EHBP1L1: variants seen among roughly 807,000 people sequenced by gnomAD.
EHBP1L1 encodes EH domain-binding protein 1-like protein 1.
EHBP1L1 carries 122 observed loss-of-function variants against 151.1 expected under a neutral mutation model. That is an observed-to-expected ratio of 0.81 (90% CI 0.70 to 0.94). The LOEUF is 0.94. EHBP1L1 is among the 40% of genes least tolerant of loss of function. The probability of loss-of-function intolerance (pLI) is 0.00; values close to 1 mark genes in which losing one functional copy is unlikely to be tolerated. For missense variants in EHBP1L1, 1,941 were observed against 1,959.8 expected (o/e 0.99, Z 0.18); for synonymous variants, 878 against 810.1 (o/e 1.08, Z -1.42).
chr11:65,590,020 T>C (rs376839878), intron 14 of EHBP1L1, 29 bp downstream of exon 14: 1 of 1,608,326 alleles, frequency 6.2e-7, no homozygotes, highest in East Asian at 2.2e-5. Context: ...GAGGAGCTGA[T>C]GGGTGAGCAC....
Position 65,590,686 on chromosome 11 carries a change from T to C in EHBP1L1, c.4283+94T>C, listed in dbSNP as rs1858225757. The C allele has an allele frequency of 1.5e-5, 16 of 1,088,378 alleles. No homozygotes were observed. The South Asian group carries it at 2.2e-4, about 15-fold the overall frequency. The allele number at this position is 1,088,378 out of a possible 1,614,324, so 67.4% of individuals were successfully genotyped here. A position where few individuals can be genotyped will look rare whatever the true frequency, so the allele number is the denominator to read the frequency against. On this transcript the variant is annotated intron_variant, in intron 16 of 18. Coordinates refer to ENST00000309295, the MANE Select transcript of EHBP1L1 (RefSeq NM_001099409.3). ...TTTCTTATTCCTACAGAGATCTTTT[T>C]GACAAACGATTCCTCTTCCATCTTA... is the stretch of plus-strand genomic sequence containing the variant.
At chr11:65,584,180 C>A in intron 9 of EHBP1L1, 61 bp from the exon 10 acceptor site, 1 of 1,566,570 alleles carries the variant, frequency 6.4e-7, no homozygotes, top group Non-Finnish European at 8.6e-7. Context: ...TGAGCTTCCC[C>A]AAGAGGCAGA....
Position 65,576,219 on chromosome 11 carries a change from G to A in EHBP1L1, c.-84G>A. On this transcript the variant is annotated 5_prime_UTR_variant, in exon 1 of 19. Coordinates refer to ENST00000309295, the MANE Select transcript of EHBP1L1 (RefSeq NM_001099409.3). Reference sequence around the variant, plus strand: ...CGGACGGGGCGGGCGGCGCGGACAGGCCATGGGGACCCGGGCCGGGCCAGC... The same window carrying A: ...CGGACGGGGCGGGCGGCGCGGACAGACCATGGGGACCCGGGCCGGGCCAGC... 1.5e-6 allele frequency: 2 copies of A among 1,303,450 alleles called. No homozygotes were observed. Among genetic ancestry groups the A allele is most frequent in the Non-Finnish European group, 2.0e-6 (2 of 983,470 alleles). 80.7% of individuals were successfully genotyped at this position (1,303,450 alleles called of 1,614,324 possible).
chr11:65,581,150 G>A, intron 7 of EHBP1L1, 24 bp downstream of exon 7: 2 of 1,612,442 alleles, frequency 1.2e-6, no homozygotes, highest in Non-Finnish European at 1.7e-6. Context: ...TGGGGTTGGG[G>A]GTGGAGACTG....
chr11:65,577,327 G>C lies in EHBP1L1; in HGVS notation c.104+921G>C, dbSNP rs544540169. Among the ~76,000 whole-genome samples the C allele has an allele frequency of 4.6e-5, 7 of 152,346 alleles. No individual in the cohort carries two copies. In the East Asian group the frequency reaches 1.2e-3, roughly 25 times the overall value. ...CCAGGGGGAGGGGAGTAAGCAGGAGGCTGGGGTCCCTTGGGCAGCTGCCAT... is the reference window on the plus strand; with the variant it reads ...CCAGGGGGAGGGGAGTAAGCAGGAGCCTGGGGTCCCTTGGGCAGCTGCCAT... On this transcript the variant is annotated intron_variant, in intron 1 of 18. Transcript: ENST00000309295.
At chr11:65,591,626 A>G (rs1438064112) in intron 16 of EHBP1L1, 174 bp from the exon 17 acceptor site, 1 of 646,836 alleles carries the variant, frequency 1.5e-6, no homozygotes, top group South Asian at 1.7e-5. Flanking sequence ...AACAGAAGAA[A>G]AGCGATAATG....
intron 9 of EHBP1L1, 75 bp from the exon 10 acceptor site, chr11:65,584,166 G>A: frequency 1.9e-6 from 3 of 1,556,868 alleles, no homozygotes; most frequent in South Asian, 2.4e-5. Context: ...TTGTGTGCCA[G>A]GCATGAGCTT....
In EHBP1L1 at chr11:65,583,755, CG is replaced by C; in HGVS notation, c.3086del (p.Gly1029AlafsTer61). The C allele has an allele frequency of 1.3e-6, 2 of 1,490,176 alleles. No individual in the cohort carries two copies. Among genetic ancestry groups the C allele is most frequent in the Non-Finnish European group, 1.8e-6 (2 of 1,122,978 alleles). 92.3% of individuals were successfully genotyped at this position (1,490,176 alleles called of 1,614,324 possible). A position where few individuals can be genotyped will look rare whatever the true frequency, so the allele number is the denominator to read the frequency against. ...PEKAEEDRRL[P>X]GSQAPPALVS... is the part of the protein sequence containing the mutation. ...AAGGCTGAAGAGGACAGGAGGCTGC[CG>C]GGCAGCCAGGTAGGGATGGGGGCCG... On this transcript the variant is annotated frameshift_variant, in exon 9 of 19. Coordinates refer to ENST00000309295, the MANE Select transcript of EHBP1L1 (RefSeq NM_001099409.3). LOFTEE classifies it high-confidence loss of function.
intron 12 of EHBP1L1, among the ~76,000 whole-genome samples, chr11:65,589,142 C>T (rs1465232235): frequency 6.6e-6 from 1 of 152,224 alleles, no homozygotes; most frequent in South Asian, 2.1e-4. Flanking sequence ...TGGTGGCTCA[C>T]ACCTGTAATC....
intron 6 of EHBP1L1, 134 bp from the exon 7 acceptor site, chr11:65,580,924 G>C: frequency 1.4e-6 from 2 of 1,437,072 alleles, no homozygotes; most frequent in Non-Finnish European, 1.8e-6. Context: ...GTCTCTTCTC[G>C]CAGGCCGGGG....
rs746640194 is a variant in EHBP1L1 at position 65,582,531 on chromosome 11, CAG to C, written c.1862_1863del (p.Glu621GlyfsTer8). 1.5e-5 allele frequency: 25 copies of C among 1,613,354 alleles called. No homozygotes were observed. Among genetic ancestry groups the C allele is most frequent in the Non-Finnish European group, 2.1e-5 (25 of 1,179,824 alleles). ...GCAGCAAGATCAAGGGTCCTGGAGT[CAG>C]AGGTTGCTGGGACAGCACAGTGTGA... On this transcript the variant is annotated frameshift_variant, in exon 9 of 19. Coordinates refer to ENST00000309295, the MANE Select transcript of EHBP1L1 (RefSeq NM_001099409.3). LOFTEE classifies it high-confidence loss of function.
chr11:65,592,130 G>C, intron 18 of EHBP1L1, 40 bp downstream of exon 18: 3 of 1,610,954 alleles, frequency 1.9e-6, no homozygotes, highest in African/African-American at 1.3e-5. Context: ...GGGAGGGTCC[G>C]GGACTTGCTC....
At position 65,592,312 on chromosome 11, in the gene EHBP1L1, C is replaced by T. The variant is rs1490118666; in HGVS notation, c.*10C>T. ...CTGCGTGCTGAGCTGAGGCCGCCGG[C>T]CCGGGTGGCCCATAACTTCTCGCGT... is the stretch of plus-strand genomic sequence containing the variant. On this transcript the variant is annotated 3_prime_UTR_variant, in exon 19 of 19. Transcript: ENST00000309295. 3.4e-6 allele frequency: 5 copies of T among 1,462,186 alleles called. No individual in the cohort carries two copies. The highest frequency in any genetic ancestry group is 2.7e-5 in the East Asian group (1 of 36,806). The allele number at this position is 1,462,186 out of a possible 1,614,324, so 90.6% of individuals were successfully genotyped here. A position where few individuals can be genotyped will look rare whatever the true frequency, so the allele number is the denominator to read the frequency against.
chr11:65,580,617 C>T lies in EHBP1L1; in HGVS notation c.634+138C>T, dbSNP rs1018723690. ...AGGCAGTCCCAACCAACCCAGCAGC[C>T]TCAATTGTCCCAACCTGGCTGCTGG... On this transcript the variant is annotated intron_variant, in intron 6 of 18. Coordinates refer to ENST00000309295, the MANE Select transcript of EHBP1L1 (RefSeq NM_001099409.3). The T allele has an allele frequency of 4.3e-6, 5 of 1,151,628 alleles. No homozygotes were observed. The Admixed American group carries it at 1.1e-4, about 25-fold the overall frequency. 71.3% of individuals were successfully genotyped at this position (1,151,628 alleles called of 1,614,324 possible).
At chr11:65,584,910 G>A in intron 11 of EHBP1L1, 49 bp from the exon 12 acceptor site, 1 of 1,525,352 alleles carries the variant, frequency 6.6e-7, no homozygotes, top group Non-Finnish European at 8.7e-7. Context: ...GCGTTGCCGG[G>A]TGGCGCGGGC....
chr11:65,583,784 G>T lies in EHBP1L1; in HGVS notation c.3093+19G>T. Reference sequence around the variant, plus strand: ...CAGCCAGGTAGGGATGGGGGCCGCCGAGGGCCCAGTCTGCTGCTTCCCACT... The same window carrying T: ...CAGCCAGGTAGGGATGGGGGCCGCCTAGGGCCCAGTCTGCTGCTTCCCACT... On this transcript the variant is annotated intron_variant, in intron 9 of 18. Transcript: ENST00000309295. The T allele has an allele frequency of 6.8e-7, 1 of 1,460,134 alleles. No homozygotes were observed. The highest frequency in any genetic ancestry group is 9.0e-7 in the Non-Finnish European group (1 of 1,111,108). 90.4% of individuals were successfully genotyped at this position (1,460,134 alleles called of 1,614,324 possible).
At chr11:65,587,225 T>C (rs533419478) in intron 12 of EHBP1L1, among the ~76,000 whole-genome samples, 1 of 152,212 alleles carries the variant, frequency 6.6e-6, no homozygotes, top group South Asian at 2.1e-4. Context: ...TACAAAAAAT[T>C]AGCCGGGCAT....
chr11:65,590,063 G>A, intron 14 of EHBP1L1, 24 bp from the exon 15 acceptor site: 1 of 1,613,782 alleles, frequency 6.2e-7, no homozygotes. Context: ...AGTCCACCCT[G>A]TTCTCTGCCT....
intron 3 of EHBP1L1, 91 bp from the exon 4 acceptor site, chr11:65,579,845 A>T: frequency 1.7e-6 from 2 of 1,194,300 alleles, no homozygotes; most frequent in Non-Finnish European, 2.4e-6. Flanking sequence ...AAAAAAAGCC[A>T]CCACTACCAA....
Sources: gnomAD v4.1 joint callset for allele counts (sites outside exome capture counted in the v4.1 genomes callset) on GRCh38, gnomAD v4.1.1 for gene constraint, MANE v1.5 for transcripts, NCBI Gene and HGNC (gene_info 2026-07-23, HGNC 2026-07-21) for gene names.